The following LCA5 variants were observed in gnomAD, a reference collection of about 807,000 sequenced individuals.
LCA5 encodes lebercilin LCA5, also known as lebercilin.
A neutral mutation model predicts 53.0 loss-of-function variants in LCA5; 37 were observed. The observed-to-expected ratio is 0.70, with a 90% CI of 0.54 to 0.92. The LOEUF is 0.92. Ranked by LOEUF, LCA5 falls within the 40% of genes least tolerant of loss-of-function variation. The probability of loss-of-function intolerance (pLI) is 0.00; values close to 1 mark genes in which losing one functional copy is unlikely to be tolerated. For missense variants in LCA5, 806 were observed against 790.5 expected (o/e 1.02, Z -0.23); for synonymous variants, 303 against 282.9 (o/e 1.07, Z -0.71).
rs561671819 is a variant in LCA5, at chr6:79,519,414, T to C, written c.-191-329A>G. On this transcript the variant is annotated intron_variant, in intron 1 of 7. Coordinates refer to ENST00000369846, the MANE Select transcript of LCA5 (RefSeq NM_001122769.3). ...TGATCAAATCACCAGTTTTTTCTTT[T>C]TTAGGCAGGGAGGCAGTGGGAGTGG... is the stretch of plus-strand genomic sequence containing the variant. 7.1e-4 allele frequency among the ~76,000 whole-genome samples: 108 copies of C among 152,272 alleles called. 1 individual carries two copies. The highest frequency in any genetic ancestry group is 1.4e-3 in the Non-Finnish European group (94 of 68,018).
intron 5 of LCA5, among the ~76,000 whole-genome samples, chr6:79,491,983 T>C (rs891383588): frequency 1.3e-5 from 2 of 152,054 alleles, no homozygotes; most frequent in African/African-American, 4.8e-5. Context: ...CTGGCAATTA[T>C]ATGATTTGGG....
intron 1 of LCA5, among the ~76,000 whole-genome samples, chr6:79,522,946 G>T (rs1370240734): frequency 6.7e-6 from 1 of 150,196 alleles, no homozygotes; most frequent in Non-Finnish European, 1.5e-5. Context: ...AGAGATATAT[G>T]TTCAAATATT....
intron 3 of LCA5, among the ~76,000 whole-genome samples, chr6:79,504,470 T>C (rs912278967): frequency 4.6e-5 from 7 of 152,142 alleles, no homozygotes; most frequent in African/African-American, 7.2e-5. Flanking sequence ...GGAAATGACA[T>C]ACAGAAAACA....
intron 1 of LCA5, among the ~76,000 whole-genome samples, chr6:79,521,003 C>T (rs1205902033): frequency 6.6e-6 from 1 of 152,184 alleles, no homozygotes; most frequent in Non-Finnish European, 1.5e-5. Flanking sequence ...GTTCTATAGT[C>T]TGTGCTGTTC....
intron 1 of LCA5, among the ~76,000 whole-genome samples, chr6:79,531,987 T>A (rs1248263796): frequency 6.6e-6 from 1 of 152,164 alleles, no homozygotes; most frequent in African/African-American, 2.4e-5. Flanking sequence ...TATTTGGATA[T>A]CTAAAAATCA....
At chr6:79,488,998 A>T in intron 7 of LCA5, 86 bp downstream of exon 7, 1 of 1,477,630 alleles carries the variant, frequency 6.8e-7, no homozygotes, top group Non-Finnish European at 9.4e-7. Flanking sequence ...ATTCACAGTT[A>T]AGCTGGAAGA....
chr6:79,528,513 T>G (rs769850978), intron 1 of LCA5, among the ~76,000 whole-genome samples: 1 of 152,144 alleles, frequency 6.6e-6, no homozygotes, highest in South Asian at 2.1e-4. Context: ...TGGCATTCCA[T>G]AAGATACCCA....
intron 3 of LCA5, among the ~76,000 whole-genome samples, chr6:79,510,969 G>A (rs1025858299): frequency 6.6e-6 from 1 of 151,258 alleles, no homozygotes; most frequent in Non-Finnish European, 1.5e-5. Flanking sequence ...CTACTGACGG[G>A]ACAATAAAAA....
intron 1 of LCA5, among the ~76,000 whole-genome samples, chr6:79,523,607 C>T (rs1304966260): frequency 6.6e-6 from 1 of 152,176 alleles, no homozygotes; most frequent in Admixed American, 6.5e-5. Context: ...TCTTTGTCAA[C>T]AACTTTCAGT....
upstream of LCA5, among the ~76,000 whole-genome samples, chr6:79,538,018 G>GTTTTTTTTTTTTTTTTTTTTTT (rs869197362): frequency 2.3e-5 from 1 of 44,146 alleles, no homozygotes; most frequent in Non-Finnish European, 4.2e-5. Context: ...TTGCACACAA[G>GTTTTTTTTTTTTTTTTTTTTTT]TTTTTTTTTT....
At chr6:79,507,885 C>A (rs750543839) in intron 3 of LCA5, among the ~76,000 whole-genome samples, 1 of 152,116 alleles carries the variant, frequency 6.6e-6, no homozygotes, top group Non-Finnish European at 1.5e-5. Context: ...ACTGGACCAA[C>A]CTGTATGCAA....
chr6:79,493,866 G>A, intron 3 of LCA5, 116 bp from the exon 4 acceptor site: 2 of 732,184 alleles, frequency 2.7e-6, no homozygotes, highest in South Asian at 1.9e-5. Flanking sequence ...CTACAAATCA[G>A]ACTGGGCATA....
At position 79,528,878 on chromosome 6, in the gene LCA5, G is replaced by A. The variant is rs80354382; in HGVS notation, c.-192+8287C>T. ...ATATGTGTTATGCTGGGTGGGAAACGTTGTACTTTCAATCTTAACAATACT... is the reference window on the plus strand; with the variant it reads ...ATATGTGTTATGCTGGGTGGGAAACATTGTACTTTCAATCTTAACAATACT... On this transcript the variant is annotated intron_variant, in intron 1 of 7. Coordinates refer to ENST00000369846, the MANE Select transcript of LCA5 (RefSeq NM_001122769.3). 4.4e-3 allele frequency among the ~76,000 whole-genome samples: 669 copies of A among 152,270 alleles called. 9 individuals carry two copies. The highest frequency in any genetic ancestry group is 0.015 in the African/African-American group (632 of 41,552).
intron 1 of LCA5, among the ~76,000 whole-genome samples, chr6:79,523,558 C>T (rs1279447144): frequency 1.3e-5 from 2 of 152,180 alleles, no homozygotes; most frequent in East Asian, 3.8e-4. Flanking sequence ...ATTAGCAATT[C>T]AAACACATAT....
At chr6:79,534,173 T>C (rs1767041435) in intron 1 of LCA5, among the ~76,000 whole-genome samples, 1 of 151,316 alleles carries the variant, frequency 6.6e-6, no homozygotes, top group Non-Finnish European at 1.5e-5. Flanking sequence ...ATACTACTTA[T>C]CTACATAATC....
At chr6:79,516,942 T>G (rs1031403907) in intron 2 of LCA5, among the ~76,000 whole-genome samples, 1 of 151,878 alleles carries the variant, frequency 6.6e-6, no homozygotes. Flanking sequence ...CTTATTAAAT[T>G]TTACCATGAA....
At chr6:79,530,525 A>G (rs992962705) in intron 1 of LCA5, among the ~76,000 whole-genome samples, 4 of 152,156 alleles carry the variant, frequency 2.6e-5, no homozygotes, top group Non-Finnish European at 5.9e-5. Context: ...GAAAGAAAAC[A>G]AAACAAAACA....
intron 6 of LCA5, 25 bp downstream of exon 6, chr6:79,491,563 T>C: frequency 6.2e-7 from 1 of 1,611,478 alleles, no homozygotes; most frequent in Non-Finnish European, 8.5e-7. Flanking sequence ...CCGAGTTTGG[T>C]ACATAACAAT....
At position 79,487,736 on chromosome 6, in the gene LCA5, C is replaced by A; in HGVS notation, c.1362G>T (p.Leu454Phe). Residue 454 changes from leucine to phenylalanine, a missense_variant, in exon 8 of 8, where the codon TTG becomes TTT. Coordinates refer to ENST00000369846, the MANE Select transcript of LCA5 (RefSeq NM_001122769.3). ...GMYPIQNMDK[L>F]QGEEEERLKR... ...TCAGTCTTTCTTCTTCCTCTCCTTG[C>A]AATTTATCCATATTCTGAATTGGAT... 1 of 1,613,932 alleles carries A rather than the reference C, an allele frequency of 6.2e-7. No homozygotes were observed. Among genetic ancestry groups the A allele is most frequent in the Non-Finnish European group, 8.5e-7 (1 of 1,179,890 alleles).
Sources: gnomAD v4.1 joint callset for allele counts (sites outside exome capture counted in the v4.1 genomes callset) on GRCh38, gnomAD v4.1.1 for gene constraint, MANE v1.5 for transcripts, NCBI Gene and HGNC (gene_info 2026-07-23, HGNC 2026-07-21) for gene names.